Variants in ACAD8 observed in about 807,000 individuals in gnomAD.
The protein encoded by ACAD8 is isobutyryl-CoA dehydrogenase, mitochondrial.
A neutral mutation model predicts 53.1 loss-of-function variants in ACAD8; 47 were observed. That is an observed-to-expected ratio of 0.89 (90% CI 0.70 to 1.13). The LOEUF is 1.13. Ranked by LOEUF, ACAD8 falls within the 50% of genes most tolerant of loss-of-function variation. ACAD8 has a pLI of 0.00. For synonymous variants in ACAD8, 198 were observed against 201.3 expected (o/e 0.98, Z 0.14); for missense variants, 494 against 535.0 (o/e 0.92, Z 0.76).
In ACAD8 at chr11:134,261,255, TC is replaced by T; in HGVS notation, c.842-19del. The T allele has an allele frequency of 6.2e-7, 1 of 1,613,996 alleles. No homozygotes were observed. Among genetic ancestry groups the T allele is most frequent in the Middle Eastern group, 1.6e-4 (1 of 6,062 alleles). On this transcript the variant is annotated intron_variant, in intron 7 of 10. Transcript: ENST00000281182. This position sits in a 1 kb window ranked among gnomAD's most constrained non-coding sequence, Gnocchi z 4.2. Reference sequence around the variant, plus strand: ...GCTGTTTTCCAGCTTGGTTGGAACGTCGGCGCTCTTCCCCTCTAGCTTCCTG... The same window carrying T: ...GCTGTTTTCCAGCTTGGTTGGAACGTGGCGCTCTTCCCCTCTAGCTTCCTG...
At chr11:134,259,844 C>G (rs751350601) in intron 6 of ACAD8, 99 bp downstream of exon 6, 1 of 1,587,654 alleles carries the variant, frequency 6.3e-7, no homozygotes, top group Non-Finnish European at 8.6e-7. Flanking sequence ...TGCATACTTG[C>G]TAACCTACCT....
chr11:134,262,196 T>C (rs1345673959), intron 9 of ACAD8: 2 of 650,944 alleles, frequency 3.1e-6, no homozygotes. Flanking sequence ...GTTTACATTG[T>C]CAGGCTGCAT....
At position 134,265,115 on chromosome 11, in the gene ACAD8, C is replaced by T. The variant is rs1198508142; in HGVS notation, c.*155C>T. On this transcript the variant is annotated 3_prime_UTR_variant, in exon 11 of 11. Transcript: ENST00000281182. ...GCACCCTGTGTGTTGGCACCAGCAT[C>T]GGGTCTTGGACTGGGGCAGAATCCC... 7 of 786,280 alleles carry T rather than the reference C, an allele frequency of 8.9e-6. No homozygotes were observed. The highest frequency in any genetic ancestry group is 2.5e-5 in the East Asian group (1 of 40,806). 48.7% of individuals were successfully genotyped at this position (786,280 alleles called of 1,614,324 possible).
chr11:134,260,614 A>G, intron 6 of ACAD8: 1 of 293,144 alleles, frequency 3.4e-6, no homozygotes, highest in Non-Finnish European at 6.6e-6. Context: ...CTTCAGTAAA[A>G]GGCTTAGAAA....
chr11:134,254,559 A>C (rs1434652020), intron 1 of ACAD8, among the ~76,000 whole-genome samples: 1 of 152,238 alleles, frequency 6.6e-6, no homozygotes, highest in African/African-American at 2.4e-5. Context: ...TAGATATCAG[A>C]TCTATAAAGT....
Position 134,261,213 on chromosome 11 carries a change from G to T in ACAD8, c.841+34G>T, listed in dbSNP as rs372030555. The T allele has an allele frequency of 3.7e-6, 6 of 1,613,948 alleles. No homozygotes were observed. Among genetic ancestry groups the T allele is most frequent in the Non-Finnish European group, 3.4e-6 (4 of 1,179,962 alleles). The stretch of plus-strand genomic sequence containing the variant: ...CGCAGGGGTGTGGCAGGGAGGTAGC[G>T]GTCCGGGACAGGCACTGCTGTTTTC... On this transcript the variant is annotated intron_variant, in intron 7 of 10. Transcript: ENST00000281182. This position sits in a 1 kb window ranked among gnomAD's most constrained non-coding sequence, Gnocchi z 4.2.
rs1376749817 is a variant in ACAD8 at position 134,265,821 on chromosome 11, A to G, written c.*861A>G. The G allele has an allele frequency of 6.6e-6, 1 of 152,216 alleles. No individual in the cohort carries two copies. The highest frequency in any genetic ancestry group is 6.5e-5 in the Admixed American group (1 of 15,278). The allele number at this position is 152,216 out of a possible 1,614,324, so 9.4% of individuals were successfully genotyped here. A position where few individuals can be genotyped will look rare whatever the true frequency, so the allele number is the denominator to read the frequency against. On this transcript the variant is annotated 3_prime_UTR_variant, in exon 11 of 11. Transcript: ENST00000281182. ...ATTAAACACTTAACTGGATTTTGGAATAATAAAACTCTCGTCCAATTTGGC... is the reference window on the plus strand; with the variant it reads ...ATTAAACACTTAACTGGATTTTGGAGTAATAAAACTCTCGTCCAATTTGGC...
intron 10 of ACAD8, 138 bp from the exon 11 acceptor site, chr11:134,264,770 C>G: frequency 1.2e-6 from 1 of 806,018 alleles, no homozygotes; most frequent in Non-Finnish European, 2.2e-6. Flanking sequence ...ATAATCTCAT[C>G]TCTCCCAGGC....
At chr11:134,255,214 G>A (rs753439703) in intron 1 of ACAD8, among the ~76,000 whole-genome samples, 15 of 152,132 alleles carry the variant, frequency 9.9e-5, no homozygotes, top group East Asian at 5.8e-4. Flanking sequence ...TCAACTCACC[G>A]CAACCTCTGC....
rs1007974686 is a variant in ACAD8 at position 134,261,810 on chromosome 11, G to A, written c.1012G>A (p.Val338Met). 1 of 1,614,232 alleles carries A rather than the reference G, an allele frequency of 6.2e-7. No individual in the cohort carries two copies. The highest frequency in any genetic ancestry group is 8.5e-7 in the Non-Finnish European group (1 of 1,180,052). Residue 338 changes from valine to methionine, a missense_variant, in exon 9 of 11, where the codon GTG (valine) becomes ATG (methionine). Physicochemically the swap from Val to Met is conservative, Grantham distance 21. Coordinates refer to ENST00000281182, the MANE Select transcript of ACAD8 (RefSeq NM_014384.3). The surrounding 1 kb of genome is among the most constrained non-coding windows in gnomAD (Gnocchi z 4.2). ...GCGGCTGATGGTCCGCAATGCAGCA[G>A]TGGCTCTGCAGGAGGAGAGGAAGGA... ...AARLMVRNAA[V>M]ALQEERKDAV... is the part of the protein sequence containing the mutation.
Position 134,262,449 on chromosome 11 carries a change from G to T in ACAD8, c.1093-71G>T. 5.7e-6 allele frequency: 6 copies of T among 1,048,368 alleles called. No homozygotes were observed. The South Asian group carries it at 8.0e-5, about 14-fold the overall frequency. The allele number at this position is 1,048,368 out of a possible 1,614,324, so 64.9% of individuals were successfully genotyped here. On this transcript the variant is annotated intron_variant, in intron 9 of 10. Transcript: ENST00000281182. ...GGCGGGCTGCCAGATCGTGGGCTGGGGTAGGAAGGGAAGCTGCTTGCTCCA... is the reference window on the plus strand; with the variant it reads ...GGCGGGCTGCCAGATCGTGGGCTGGTGTAGGAAGGGAAGCTGCTTGCTCCA...
rs1306011614 is a variant in ACAD8 at position 134,263,847 on chromosome 11, T to C, written c.1196-1061T>C. 4 of 985,354 alleles carry C rather than the reference T, an allele frequency of 4.1e-6. No homozygotes were observed. The African/African-American group carries it at 5.2e-5, about 13-fold the overall frequency. The allele number at this position is 985,354 out of a possible 1,614,324, so 61.0% of individuals were successfully genotyped here. On this transcript the variant is annotated intron_variant, in intron 10 of 10. Coordinates refer to ENST00000281182, the MANE Select transcript of ACAD8 (RefSeq NM_014384.3). ...TTTCATCATGGACTTTACTGTTGGA[T>C]AAATCTACAGTTTATGCTTTATTTG... is the stretch of plus-strand genomic sequence containing the variant.
Position 134,261,526 on chromosome 11 carries a change from C to G in ACAD8, c.939+154C>G, listed in dbSNP as rs950209101. 3.3e-6 allele frequency: 5 copies of G among 1,507,422 alleles called. No individual in the cohort carries two copies. In the African/African-American group the frequency reaches 6.9e-5, roughly 21 times the overall value. The allele number at this position is 1,507,422 out of a possible 1,614,324, so 93.4% of individuals were successfully genotyped here. ...TGTGCTTTATTTCTGTCCATCTTTT[C>G]TTGGGATATCTTTAACGATATTAAA... On this transcript the variant is annotated intron_variant, in intron 8 of 10. Transcript: ENST00000281182. This position sits in a 1 kb window ranked among gnomAD's most constrained non-coding sequence, Gnocchi z 4.2.
Position 134,262,119 on chromosome 11 carries a change from G to C in ACAD8, c.1092+229G>C, listed in dbSNP as rs1245277241. ...ACACTTCATTATGTCACTGTTGTTT[G>C]GTTGTGTTCTAGGCGAGAAACCACC... On this transcript the variant is annotated intron_variant, in intron 9 of 10. Coordinates refer to ENST00000281182, the MANE Select transcript of ACAD8 (RefSeq NM_014384.3). 4 of 682,790 alleles carry C rather than the reference G, an allele frequency of 5.9e-6. No individual in the cohort carries two copies. In the East Asian group the frequency reaches 8.4e-5, roughly 14 times the overall value. 42.3% of individuals were successfully genotyped at this position (682,790 alleles called of 1,614,324 possible). A position where few individuals can be genotyped will look rare whatever the true frequency, so the allele number is the denominator to read the frequency against.
At chr11:134,263,103 T>G in intron 10 of ACAD8, 2 of 1,145,144 alleles carry the variant, frequency 1.7e-6, no homozygotes, top group South Asian at 3.7e-5. Flanking sequence ...CATCACTATA[T>G]GGGTATCTTC....
rs1477692239 is a variant in ACAD8, at chr11:134,253,709, C to T, written c.109C>T (p.Pro37Ser). Residue 37 changes from proline to serine, a missense_variant and splice_region_variant, in exon 1 of 11, where the codon CCT (proline) becomes TCT (serine). Coordinates refer to ENST00000281182, the MANE Select transcript of ACAD8 (RefSeq NM_014384.3). ...CCGGAGCTTGACCTCCTGCATCGAC[C>T]GTAAGGATCTCCTGGCGGGCAGTAG... Reference protein sequence around the residue: ...GHRSLTSCIDPSMGLNEEQKE... With the variant: ...GHRSLTSCIDSSMGLNEEQKE... 1.9e-6 allele frequency: 3 copies of T among 1,594,638 alleles called. No homozygotes were observed. The highest frequency in any genetic ancestry group is 2.7e-5 in the African/African-American group (2 of 74,512).
At chr11:134,263,767 C>G in intron 10 of ACAD8, 1 of 985,472 alleles carries the variant, frequency 1.0e-6, no homozygotes, top group Non-Finnish European at 1.2e-6. Context: ...TTATTGTAGG[C>G]CACACCATCA....
At chr11:134,264,486 C>G (rs1940078518) in intron 10 of ACAD8, among the ~76,000 whole-genome samples, 1 of 152,058 alleles carries the variant, frequency 6.6e-6, no homozygotes, top group Non-Finnish European at 1.5e-5. Context: ...CCACTGCACT[C>G]CAGCCTGGGC....
intron 1 of ACAD8, 52 bp downstream of exon 1, chr11:134,253,761 A>G (rs1035742356): frequency 3.9e-6 from 6 of 1,519,834 alleles, no homozygotes; most frequent in Middle Eastern, 1.7e-4. Flanking sequence ...CCCGGCGGAC[A>G]TATGTCCGCG....
Sources: gnomAD v4.1 joint callset for allele counts (sites outside exome capture counted in the v4.1 genomes callset) on GRCh38, gnomAD v4.1.1 for gene constraint, Gnocchi (gnomAD v3.1) non-coding constraint, MANE v1.5 for transcripts, NCBI Gene and HGNC (gene_info 2026-07-23, HGNC 2026-07-21) for gene names.